Variants in P2RX4 observed in about 807,000 individuals in gnomAD.
P2RX4 encodes P2X purinoceptor 4.
Under a neutral mutation model 48.0 loss-of-function variants are expected in P2RX4, and 37 were observed. The observed-to-expected ratio is 0.77, with a 90% CI of 0.59 to 1.01. P2RX4 has a LOEUF of 1.01. P2RX4 is among the 50% of genes least tolerant of loss of function. The probability of loss-of-function intolerance (pLI) is 0.00; values close to 1 mark genes in which losing one functional copy is unlikely to be tolerated. For synonymous variants in P2RX4, 200 were observed against 199.7 expected, an observed-to-expected ratio of 1.00 and a Z score of -0.01; for missense variants, 501 against 521.4, an observed-to-expected ratio of 0.96 and a Z score of 0.38.
chr12:121,217,373 C>G, intron 2 of P2RX4, 92 bp downstream of exon 2: 7 of 1,260,358 alleles, frequency 5.6e-6, no homozygotes, highest in Non-Finnish European at 8.0e-6. Flanking sequence ...GGCCTGAGTC[C>G]TGACATCACC....
In P2RX4 at chr12:121,210,147, G is replaced by C. The variant is rs1885705582; in HGVS notation, c.-18G>C. On this transcript the variant is annotated 5_prime_UTR_variant, in exon 1 of 12. Transcript: ENST00000337233. ...GGGACCCAGACCGACTAGGGGACTG[G>C]GAGCGGGCGGCGCGGCCATGGCGGG... 10 of 1,518,076 alleles carry C rather than the reference G, an allele frequency of 6.6e-6. No individual in the cohort carries two copies. The highest frequency in any genetic ancestry group is 1.2e-5 in the South Asian group (1 of 80,656). 94.0% of individuals were successfully genotyped at this position (1,518,076 alleles called of 1,614,324 possible).
chr12:121,226,173 C>T (rs187389481), intron 5 of P2RX4, among the ~76,000 whole-genome samples: 312 of 152,188 alleles, frequency 2.1e-3, no homozygotes, highest in Non-Finnish European at 2.4e-3. Context: ...CACCTGGCCT[C>T]ACAATATACT....
chr12:121,223,013 G>C lies in P2RX4; in HGVS notation c.494G>C (p.Cys165Ser). Residue 165 changes from cysteine (C) to serine (S), a missense_variant, in exon 5 of 12, where the codon TGC becomes TCC. Physicochemically the swap from Cys to Ser is moderately radical, Grantham distance 112 (BLOSUM62 -1). Around this residue, in one of 3 missense-constraint regions of P2RX4, gnomAD observed 295 missense variants for 275.3 expected, o/e 1.07. Coordinates refer to ENST00000337233, the MANE Select transcript of P2RX4 (RefSeq NM_002560.3). ...AAGACGTGTGAGGTGGCGGCCTGGTGCCCGGTGGAGGATGACACACACGTG... is the reference window on the plus strand; with the variant it reads ...AAGACGTGTGAGGTGGCGGCCTGGTCCCCGGTGGAGGATGACACACACGTG... The part of the protein sequence containing the change: ...SVKTCEVAAW[C>S]PVEDDTHVPQ... The C allele has an allele frequency of 6.2e-7, 1 of 1,612,970 alleles. No homozygotes were observed.
At chr12:121,210,520 C>T (rs1885761792) in intron 1 of P2RX4, among the ~76,000 whole-genome samples, 1 of 152,202 alleles carries the variant, frequency 6.6e-6, no homozygotes, top group African/African-American at 2.4e-5. Context: ...TGGCGCAAGC[C>T]TGTAATCCGA....
chr12:121,232,690 G>A lies in P2RX4; in HGVS notation c.1044+14G>A, dbSNP rs1449721698. ...CTGCTAGGCATGGTGAGTGGTTTAGGCCCTGCCTTCACCCTCACGGTGAGG... is the reference window on the plus strand; with the variant it reads ...CTGCTAGGCATGGTGAGTGGTTTAGACCCTGCCTTCACCCTCACGGTGAGG... On this transcript the variant is annotated intron_variant, in intron 10 of 11. Coordinates refer to ENST00000337233, the MANE Select transcript of P2RX4 (RefSeq NM_002560.3). This position sits in a 1 kb window ranked among gnomAD's most constrained non-coding sequence, Gnocchi z 4.3. The A allele has an allele frequency of 6.2e-7, 1 of 1,607,478 alleles. No individual in the cohort carries two copies. The highest frequency in any genetic ancestry group is 1.3e-5 in the African/African-American group (1 of 74,810).
chr12:121,231,211 G>A (rs1486916855), intron 8 of P2RX4, among the ~76,000 whole-genome samples: 1 of 151,800 alleles, frequency 6.6e-6, no homozygotes, highest in Non-Finnish European at 1.5e-5. Context: ...GTGGTCTCGA[G>A]CTCCTCACCT....
At chr12:121,218,182 T>G (rs1593203628) in intron 2 of P2RX4, among the ~76,000 whole-genome samples, 1 of 152,072 alleles carries the variant, frequency 6.6e-6, no homozygotes, top group South Asian at 2.1e-4. Flanking sequence ...ACCGAGCTAA[T>G]GAGCCATAAA....
chr12:121,232,570 C>T lies in P2RX4; in HGVS notation c.979-41C>T, dbSNP rs762275872. On this transcript the variant is annotated intron_variant, in intron 9 of 11. Coordinates refer to ENST00000337233, the MANE Select transcript of P2RX4 (RefSeq NM_002560.3). The surrounding 1 kb of genome is among the most constrained non-coding windows in gnomAD (Gnocchi z 4.3). ...GCAGGGACAAGGGGCCTCTCCCTGC[C>T]CCTGCAGAAACACTTTTTTTCTTTT... 5 of 1,605,350 alleles carry T rather than the reference C, an allele frequency of 3.1e-6. No individual in the cohort carries two copies. The South Asian group carries it at 4.4e-5, about 14-fold the overall frequency.
intron 6 of P2RX4, 52 bp from the exon 7 acceptor site, chr12:121,228,673 C>T (rs3815989): frequency 0.13 from 208,127 of 1,612,554 alleles, 15,226 homozygotes; most frequent in Admixed American, 0.29. Context: ...TGGCTCTTCT[C>T]TCTTCTCTGA....
chr12:121,230,168 C>G (rs956410699), intron 8 of P2RX4, among the ~76,000 whole-genome samples: 1 of 152,152 alleles, frequency 6.6e-6, no homozygotes, highest in Admixed American at 6.5e-5. Flanking sequence ...TTTGGGAGGC[C>G]AAGGCGGGCA....
chr12:121,219,619 A>ATGGATGGATGGATG (rs1566001886), intron 2 of P2RX4, among the ~76,000 whole-genome samples: 4 of 79,314 alleles, frequency 5.0e-5, no homozygotes, highest in African/African-American at 2.1e-4. Flanking sequence ...ATGGATGGAT[A>ATGGATGGATGGATG]GATAGATAGA....
intron 2 of P2RX4, among the ~76,000 whole-genome samples, chr12:121,219,254 G>T (rs549641556): frequency 3.9e-5 from 6 of 152,224 alleles, no homozygotes; most frequent in East Asian, 1.9e-4. Context: ...AACATAGTTT[G>T]CCCTAGGCCT....
At chr12:121,220,299 AC>A (rs143771326) in intron 2 of P2RX4, among the ~76,000 whole-genome samples, 7 of 149,614 alleles carry the variant, frequency 4.7e-5, no homozygotes, top group South Asian at 2.1e-4. Flanking sequence ...CAGTTTGCAG[AC>A]CCCCCCCTTT....
intron 8 of P2RX4, among the ~76,000 whole-genome samples, chr12:121,230,631 G>A (rs1198183046): frequency 6.6e-6 from 1 of 152,202 alleles, no homozygotes; most frequent in Non-Finnish European, 1.5e-5. Flanking sequence ...CACTTCTTGT[G>A]GAAACCTCAA....
chr12:121,213,116 G>GGATTTCAAAGACATAGTACAA, intron 1 of P2RX4: 2 of 151,892 alleles, frequency 1.3e-5, no homozygotes, highest in South Asian at 4.2e-4. Context: ...AATACACACT[G>GGATTTCAAAGACATAGTACAA]GATTTCAAAG....
rs1421138441 is a variant in P2RX4, at chr12:121,210,269, G to GC, written c.106dup (p.Gln36ProfsTer23). 4.5e-6 allele frequency: 7 copies of GC among 1,555,980 alleles called. No individual in the cohort carries two copies. The highest frequency in any genetic ancestry group is 3.8e-5 in the Admixed American group (2 of 51,974). On this transcript the variant is annotated frameshift_variant, in exon 1 of 12. Coordinates refer to ENST00000337233, the MANE Select transcript of P2RX4 (RefSeq NM_002560.3). LOFTEE classifies it high-confidence loss of function. ...AAGTGGGGCTCATGAACCGCGCCGT[G>GC]CAACTGCTCATCCTGGCCTACGTCA...
In P2RX4 at chr12:121,229,033, G is replaced by A; in HGVS notation, c.818G>A (p.Arg273Lys). ...AGAGCCGCCTCCCTCTGCTTGCCCA[G>A]GTACTCCTTCCGCCGCCTCGATACA... ...LDRAASLCLP[R>K]YSFRRLDTRD... The change falls in exon 8 of 12, where the codon AGG becomes AAG. Residue 273 changes from arginine to lysine, a missense_variant. Transcript: ENST00000337233. This position sits in a 1 kb window ranked among gnomAD's most constrained non-coding sequence, Gnocchi z 4.6. 6.2e-7 allele frequency: 1 copy of A among 1,614,088 alleles called. No individual in the cohort carries two copies. The highest frequency in any genetic ancestry group is 8.5e-7 in the Non-Finnish European group (1 of 1,180,022).
intron 5 of P2RX4, among the ~76,000 whole-genome samples, chr12:121,225,345 A>ATTATAGGT: frequency 6.6e-6 from 1 of 152,056 alleles, no homozygotes; most frequent in East Asian, 1.9e-4. Context: ...AAGTGCTGGG[A>ATTATAGGT]TTATAGGTGT....
chr12:121,227,639 G>A (rs139343834), intron 5 of P2RX4, among the ~76,000 whole-genome samples: 1 of 152,308 alleles, frequency 6.6e-6, no homozygotes, highest in Non-Finnish European at 1.5e-5. Context: ...GGGGGAGAGG[G>A]CCTGCCCTTC....
Sources: gnomAD v4.1 joint callset for allele counts (sites outside exome capture counted in the v4.1 genomes callset) on GRCh38, gnomAD v4.1.1 for gene constraint, gnomAD v4.1.1 regional missense constraint, Gnocchi (gnomAD v3.1) non-coding constraint, MANE v1.5 for transcripts, NCBI Gene and HGNC (gene_info 2026-07-23, HGNC 2026-07-21) for gene names.